Variants in FRYL observed in about 807,000 individuals in gnomAD.
FRYL encodes protein furry homolog-like.
A neutral mutation model predicts 351.2 loss-of-function variants in FRYL; 150 were observed. That is an observed-to-expected ratio of 0.43 (90% confidence interval 0.37 to 0.49). The LOEUF (loss-of-function observed/expected upper bound fraction) is 0.49. Ranked by LOEUF, FRYL falls within the 20% of genes least tolerant of loss-of-function variation. The pLI, the probability that FRYL is intolerant of heterozygous loss-of-function variation, is 0.00. For missense variants in FRYL, 3,036 were observed against 3,619.3 expected, an observed-to-expected ratio of 0.84 and a Z score of 4.13; for synonymous variants, 1,153 against 1,257.1, an observed-to-expected ratio of 0.92 and a Z score of 1.75.
chr4:48,561,062 G>A (rs1385545987), intron 33 of FRYL, among the ~76,000 whole-genome samples: 1 of 152,166 alleles, frequency 6.6e-6, no homozygotes, highest in African/African-American at 2.4e-5. Context: ...ATGGTTAGGG[G>A]TTTCGCTCAC....
rs559358148 is a variant in FRYL, at chr4:48,601,959, A to C, written c.1035+61T>G. ...AGTTTCATTATGCACTGTTCAATTT[A>C]TATGCATAAACAAAATATACCAGTC... On this transcript the variant is annotated intron_variant, in intron 13 of 63. Transcript: ENST00000358350. The C allele has an allele frequency of 2.0e-4, 184 of 942,774 alleles. No individual in the cohort carries two copies. In the Middle Eastern group the frequency reaches 4.6e-3, roughly 24 times the overall value. 58.4% of individuals were successfully genotyped at this position (942,774 alleles called of 1,614,324 possible).
chr4:48,551,055 G>C (rs2148990207), intron 37 of FRYL, among the ~76,000 whole-genome samples: 1 of 150,124 alleles, frequency 6.7e-6, no homozygotes, highest in East Asian at 1.9e-4. Context: ...AACAGAGCGA[G>C]ACTCCATCTC....
intron 3 of FRYL, among the ~76,000 whole-genome samples, chr4:48,649,530 A>C (rs552635341): frequency 2.6e-5 from 4 of 152,364 alleles, no homozygotes; most frequent in African/African-American, 9.6e-5. Flanking sequence ...TTAGCATTAC[A>C]TGAACAGATC....
At chr4:48,768,788 CTCAAAGAAAAAAAAAAAGGTACAAT>C (rs1373841600) in intron 1 of FRYL, among the ~76,000 whole-genome samples, 1 of 150,242 alleles carries the variant, frequency 6.7e-6, no homozygotes, top group Non-Finnish European at 1.5e-5. Flanking sequence ...GAGTCTCTGT[CTCAAAGAAAAAAAAAAAGGTACAAT>C]TCATAGAACA....
intron 13 of FRYL, among the ~76,000 whole-genome samples, chr4:48,601,311 A>G (rs1745651723): frequency 6.6e-6 from 1 of 152,218 alleles, no homozygotes; most frequent in South Asian, 2.1e-4. Context: ...ATATCAAAAG[A>G]ATATTCAAAT....
chr4:48,549,200 T>C lies in FRYL; in HGVS notation c.4784+273A>G, dbSNP rs960649938. Among the ~76,000 whole-genome samples, 16 of 152,280 alleles carry C rather than the reference T, an allele frequency of 1.1e-4. No homozygotes were observed. Among genetic ancestry groups the C allele is most frequent in the Non-Finnish European group, 1.6e-4 (11 of 68,022 alleles). On this transcript the variant is annotated intron_variant, in intron 39 of 63. Coordinates refer to ENST00000358350, the MANE Select transcript of FRYL (RefSeq NM_015030.2). The surrounding 1 kb of genome is among the most constrained non-coding windows in gnomAD (Gnocchi z 4.2). Reference sequence around the variant, plus strand: ...AGTGCCTACCATAGGAAAGTCATATTTTTCAGATGTAGTAACTGGGTCCCA... The same window carrying C: ...AGTGCCTACCATAGGAAAGTCATATCTTTCAGATGTAGTAACTGGGTCCCA...
At chr4:48,693,077 A>T (rs1043449032) in intron 2 of FRYL, among the ~76,000 whole-genome samples, 1 of 152,198 alleles carries the variant, frequency 6.6e-6, no homozygotes, top group Non-Finnish European at 1.5e-5. Context: ...CCTGTTAAAA[A>T]ATGCAAATGT....
chr4:48,675,374 G>C (rs748218143), intron 3 of FRYL, among the ~76,000 whole-genome samples: 2 of 152,222 alleles, frequency 1.3e-5, no homozygotes, highest in African/African-American at 2.4e-5. Flanking sequence ...GGCTGCCTGC[G>C]GCGCTTGCGG....
At chr4:48,557,159 C>T in intron 34 of FRYL, 41 bp from the exon 35 acceptor site, 1 of 1,542,226 alleles carries the variant, frequency 6.5e-7, no homozygotes, top group South Asian at 1.3e-5. Flanking sequence ...GTCATGACTG[C>T]CTATTATAAA....
intron 4 of FRYL, among the ~76,000 whole-genome samples, chr4:48,632,620 AT>A (rs1367680661): frequency 6.6e-6 from 1 of 151,632 alleles, no homozygotes; most frequent in Non-Finnish European, 1.5e-5. Context: ...ATACATTAGT[AT>A]AAAAATCAAT....
At chr4:48,702,157 T>G (rs1766793686) in intron 2 of FRYL, among the ~76,000 whole-genome samples, 1 of 152,026 alleles carries the variant, frequency 6.6e-6, no homozygotes. Flanking sequence ...TCCTATCAGT[T>G]TTAAAAATAA....
intron 8 of FRYL, among the ~76,000 whole-genome samples, chr4:48,609,457 C>CA (rs1747586436): frequency 6.6e-6 from 1 of 151,710 alleles, no homozygotes; most frequent in Non-Finnish European, 1.5e-5. Flanking sequence ...TCTGTTTCTA[C>CA]AAAAAAATAC....
chr4:48,511,373 T>C (rs1722432877), intron 57 of FRYL, among the ~76,000 whole-genome samples: 1 of 152,198 alleles, frequency 6.6e-6, no homozygotes, highest in African/African-American at 2.4e-5. Flanking sequence ...TTACTATTCT[T>C]GGCTATGGGC....
chr4:48,546,896 C>T (rs1416266084), intron 41 of FRYL: 1 of 151,820 alleles, frequency 6.6e-6, no homozygotes, highest in Non-Finnish European at 1.5e-5. Context: ...TAATTGTTTC[C>T]TAACTATAGG....
intron 58 of FRYL, 44 bp downstream of exon 58, chr4:48,510,791 A>C: frequency 6.9e-7 from 1 of 1,457,570 alleles, no homozygotes; most frequent in Non-Finnish European, 9.5e-7. Context: ...GAATGATGCC[A>C]TTCCAATGTA....
chr4:48,554,002 G>A (rs1733514848), intron 35 of FRYL, among the ~76,000 whole-genome samples: 1 of 152,206 alleles, frequency 6.6e-6, no homozygotes, highest in Non-Finnish European at 1.5e-5. Context: ...GATTAAATGA[G>A]TTAAGGTTTA....
At chr4:48,501,897 T>C (rs1287579602) in intron 61 of FRYL, among the ~76,000 whole-genome samples, 164 bp from the exon 62 acceptor site, 2 of 152,204 alleles carry the variant, frequency 1.3e-5, no homozygotes, top group African/African-American at 2.4e-5. Context: ...CTTTAAAGAC[T>C]AAGATTAAAA....
chr4:48,592,080 T>TC (rs1743380929), intron 16 of FRYL, among the ~76,000 whole-genome samples: 6 of 27,676 alleles, frequency 2.2e-4, no homozygotes, highest in South Asian at 4.4e-3. Context: ...AAAATAAAGC[T>TC]CTTATATATA....
chr4:48,557,753 A>T (rs1420859041), intron 33 of FRYL, 41 bp from the exon 34 acceptor site: 2 of 1,605,948 alleles, frequency 1.2e-6, no homozygotes, highest in Admixed American at 3.3e-5. Context: ...ATGTAATTTC[A>T]GCTTCCTCTG....
Sources: gnomAD v4.1 joint callset for allele counts (sites outside exome capture counted in the v4.1 genomes callset) on GRCh38, gnomAD v4.1.1 for gene constraint, Gnocchi (gnomAD v3.1) non-coding constraint, MANE v1.5 for transcripts, NCBI Gene and HGNC (gene_info 2026-07-23, HGNC 2026-07-21) for gene names.